Variants in SNTG2 observed in about 807,000 individuals in gnomAD.
SNTG2 encodes syntrophin gamma 2, also known as gamma-2-syntrophin.
SNTG2 carries 74 observed loss-of-function variants against 70.9 expected under a neutral mutation model. The observed-to-expected ratio is 1.04, with a 90% confidence interval of 0.86 to 1.27. The LOEUF (loss-of-function observed/expected upper bound fraction) is 1.27. Ranked by LOEUF, SNTG2 falls within the 50% of genes most tolerant of loss-of-function variation. SNTG2 has a pLI of 0.00. For missense variants in SNTG2, 717 were observed against 690.7 expected (o/e 1.04, Z -0.43); for synonymous variants, 278 against 273.8 (o/e 1.02, Z -0.15).
At chr2:1,229,953 C>T (rs1309119005) in intron 9 of SNTG2, among the ~76,000 whole-genome samples, 3 of 152,198 alleles carry the variant, frequency 2.0e-5, no homozygotes, top group Admixed American at 6.5e-5. Context: ...CCGCACGCAG[C>T]CCCCGTTCCC....
intron 16 of SNTG2, among the ~76,000 whole-genome samples, chr2:1,347,195 C>G (rs1471901748): frequency 6.6e-6 from 1 of 152,102 alleles, no homozygotes; most frequent in Non-Finnish European, 1.5e-5. Flanking sequence ...GGGCTCTGGT[C>G]CCAGCACTAA....
chr2:1,267,680 G>C (rs115957181), intron 14 of SNTG2, 109 bp downstream of exon 14: 19,093 of 1,023,678 alleles, frequency 0.019, 257 homozygotes, highest in Non-Finnish European at 0.025. Flanking sequence ...TCTTCAGAAG[G>C]TGAGAATCTT....
At chr2:1,259,591 C>T (rs1678310579) in intron 13 of SNTG2, 150 bp downstream of exon 13, 2 of 666,794 alleles carry the variant, frequency 3.0e-6, no homozygotes, top group Admixed American at 2.7e-5. Flanking sequence ...CATTCTCCTG[C>T]CCTACCTGGT....
At chr2:1,289,271 G>T (rs570352984) in intron 14 of SNTG2, among the ~76,000 whole-genome samples, 44 of 152,084 alleles carry the variant, frequency 2.9e-4, no homozygotes, top group African/African-American at 1.0e-3. Flanking sequence ...AGGTGACTGG[G>T]GTCCTGTTCT....
intron 1 of SNTG2, among the ~76,000 whole-genome samples, chr2:974,161 G>A (rs1332803392): frequency 6.6e-6 from 1 of 152,098 alleles, no homozygotes; most frequent in African/African-American, 2.4e-5. Context: ...GAGTTGAGCT[G>A]GGTGGTTGAT....
intron 14 of SNTG2, among the ~76,000 whole-genome samples, chr2:1,297,585 A>C (rs958028807): frequency 6.6e-6 from 1 of 151,192 alleles, no homozygotes; most frequent in Non-Finnish European, 1.5e-5. Flanking sequence ...GCTCCTTCCC[A>C]GCGGCCCAGC....
At position 972,694 on chromosome 2, in the gene SNTG2, TAGTG is replaced by T. The variant is rs1006438525; in HGVS notation, c.72+21634_72+21637del. Among the ~76,000 whole-genome samples, 15 of 152,104 alleles carry T rather than the reference TAGTG, an allele frequency of 9.9e-5. 1 individual carries two copies. The highest frequency in any genetic ancestry group is 3.4e-4 in the African/African-American group (14 of 41,396). Reference sequence around the variant, plus strand: ...CATCCCCTTGGTACTGTCCTCCTGATAGTGAGTGAGTTCTCATGAGATCTGGTTG... The same window carrying T: ...CATCCCCTTGGTACTGTCCTCCTGATAGTGAGTTCTCATGAGATCTGGTTG... On this transcript the variant is annotated intron_variant, in intron 1 of 16. Coordinates refer to ENST00000308624, the MANE Select transcript of SNTG2 (RefSeq NM_018968.4).
chr2:1,145,713 T>G (rs567804444), intron 6 of SNTG2, among the ~76,000 whole-genome samples: 44 of 152,134 alleles, frequency 2.9e-4, no homozygotes, highest in Non-Finnish European at 5.7e-4. Context: ...TGAGGCCAGC[T>G]TTATCACAAT....
chr2:1,100,173 TC>T (rs1665690815), intron 4 of SNTG2, among the ~76,000 whole-genome samples: 1 of 151,722 alleles, frequency 6.6e-6, no homozygotes, highest in Non-Finnish European at 1.5e-5. Flanking sequence ...TTTGGTTTCT[TC>T]CCCCACCCCA....
rs115299925 is a variant in SNTG2, at chr2:1,104,415, T to G, written c.325+6005T>G. Among the ~76,000 whole-genome samples the G allele has an allele frequency of 5.6e-3, 846 of 152,314 alleles. 9 individuals carry two copies. Among genetic ancestry groups the G allele is most frequent in the African/African-American group, 0.019 (801 of 41,570 alleles). The stretch of plus-strand genomic sequence containing the variant: ...TGTTCTTTGATGCATGGGTTATTGA[T>G]TAGTGATACGAGATTTGATTAATTC... On this transcript the variant is annotated intron_variant, in intron 4 of 16. Transcript: ENST00000308624.
intron 1 of SNTG2, among the ~76,000 whole-genome samples, chr2:1,071,019 G>A (rs1663501047): frequency 6.6e-6 from 1 of 152,112 alleles, no homozygotes; most frequent in Admixed American, 6.5e-5. Context: ...CAATACTGGG[G>A]GGTGGCCACA....
chr2:977,770 G>A lies in SNTG2; in HGVS notation c.72+26702G>A, dbSNP rs545591079. Among the ~76,000 whole-genome samples, 43 of 151,814 alleles carry A rather than the reference G, an allele frequency of 2.8e-4. 1 individual carries two copies. Among genetic ancestry groups the A allele is most frequent in the African/African-American group, 8.2e-4 (34 of 41,420 alleles). Reference sequence around the variant, plus strand: ...GACCTGCCTGCGTTGCCAACGTCACGGCCATGTGGTTCTTCCATAACCTCA... The same window carrying A: ...GACCTGCCTGCGTTGCCAACGTCACAGCCATGTGGTTCTTCCATAACCTCA... On this transcript the variant is annotated intron_variant, in intron 1 of 16. Coordinates refer to ENST00000308624, the MANE Select transcript of SNTG2 (RefSeq NM_018968.4).
At chr2:1,280,273 A>G (rs1679459586) in intron 14 of SNTG2, among the ~76,000 whole-genome samples, 1 of 152,162 alleles carries the variant, frequency 6.6e-6, no homozygotes. Context: ...AAAGACAATT[A>G]TTTGTTACCA....
At chr2:1,222,201 G>A (rs191149617) in intron 9 of SNTG2, among the ~76,000 whole-genome samples, 111 of 151,270 alleles carry the variant, frequency 7.3e-4, no homozygotes, top group Middle Eastern at 3.4e-3. Context: ...CCTCTCAGTC[G>A]AGGATCTTTT....
intron 14 of SNTG2, among the ~76,000 whole-genome samples, chr2:1,281,395 GTTTA>G (rs1679526848): frequency 9.8e-4 from 7 of 7,150 alleles, no homozygotes; most frequent in South Asian, 5.2e-3. Context: ...TGTGGTGTGT[GTTTA>G]TGTGGTGTGT....
At chr2:1,190,376 A>G (rs1465337991) in intron 8 of SNTG2, among the ~76,000 whole-genome samples, 2 of 151,274 alleles carry the variant, frequency 1.3e-5, no homozygotes, top group Non-Finnish European at 3.0e-5. Context: ...TTTCTATTCT[A>G]TATATTTCTA....
At chr2:1,274,347 G>A (rs976012165) in intron 14 of SNTG2, among the ~76,000 whole-genome samples, 21 of 152,198 alleles carry the variant, frequency 1.4e-4, no homozygotes, top group African/African-American at 2.2e-4. Flanking sequence ...GGTCACTGAT[G>A]TAGGAATCTA....
chr2:1,336,910 A>G (rs1462924722), intron 16 of SNTG2, among the ~76,000 whole-genome samples: 1 of 151,842 alleles, frequency 6.6e-6, no homozygotes, highest in African/African-American at 2.4e-5. Context: ...GCTTTGTTCT[A>G]TTTACCCAAT....
intron 9 of SNTG2, among the ~76,000 whole-genome samples, chr2:1,223,375 G>A (rs1045489881): frequency 1.1e-4 from 16 of 151,278 alleles, no homozygotes; most frequent in Admixed American, 3.3e-4. Flanking sequence ...TGGAGGTGCT[G>A]AATCGCTGTA....
Sources: allele counts gnomAD v4.1 joint callset (sites outside exome capture counted in the v4.1 genomes callset), GRCh38; gene constraint gnomAD v4.1.1; transcripts MANE v1.5; gene names NCBI Gene and HGNC (gene_info 2026-07-23, HGNC 2026-07-21).